The following ATP1A4 variants were observed in gnomAD, a reference collection of about 807,000 sequenced individuals.
ATP1A4 encodes sodium/potassium-transporting ATPase subunit alpha-4.
In ATP1A4, 90 loss-of-function variants were observed where a neutral mutation model predicts 114.3. The ratio of observed to expected loss-of-function variants is 0.79; its 90% CI spans 0.66 to 0.94. ATP1A4 has a LOEUF of 0.94. Ranked by LOEUF, ATP1A4 falls within the 40% of genes least tolerant of loss-of-function variation. The probability of loss-of-function intolerance (pLI) is 0.00; values close to 1 mark genes in which losing one functional copy is unlikely to be tolerated. For missense variants in ATP1A4, 1,222 were observed against 1,313.6 expected, an observed-to-expected ratio of 0.93 and a Z score of 1.08; for synonymous variants, 511 against 494.1, an observed-to-expected ratio of 1.03 and a Z score of -0.45.
At chr1:160,184,321 G>C (rs920586071) in intron 20 of ATP1A4, among the ~76,000 whole-genome samples, 1 of 152,050 alleles carries the variant, frequency 6.6e-6, no homozygotes, top group African/African-American at 2.4e-5. Flanking sequence ...CAAGGTGGGG[G>C]GATCGCTTAA....
chr1:160,174,106 C>T lies in ATP1A4; in HGVS notation c.1992-5C>T, dbSNP rs1423044150. 2.0e-5 allele frequency: 33 copies of T among 1,612,458 alleles called. No homozygotes were observed. The highest frequency in any genetic ancestry group is 2.6e-5 in the Non-Finnish European group (31 of 1,179,450). On this transcript the variant is annotated splice_region_variant and splice_polypyrimidine_tract_variant and intron_variant, in intron 13 of 21. Coordinates refer to ENST00000368081, the MANE Select transcript of ATP1A4 (RefSeq NM_144699.4). Reference sequence around the variant, plus strand: ...AACTAGCCTTTTGAAATTATTTTCCCTCAGTGCTGCCAAAGCCATTGTGGT... The same window carrying T: ...AACTAGCCTTTTGAAATTATTTTCCTTCAGTGCTGCCAAAGCCATTGTGGT...
At chr1:160,153,935 G>A (rs1053597652) in intron 2 of ATP1A4, among the ~76,000 whole-genome samples, 21 of 152,232 alleles carry the variant, frequency 1.4e-4, no homozygotes, top group African/African-American at 4.3e-4. Flanking sequence ...TCAGGCAGAG[G>A]TTGGGGAGTG....
intron 10 of ATP1A4, among the ~76,000 whole-genome samples, chr1:160,169,030 T>C (rs1243254977): frequency 6.6e-6 from 1 of 152,250 alleles, no homozygotes; most frequent in Non-Finnish European, 1.5e-5. Context: ...CTCAGATGAC[T>C]ATGTTGCTGC....
Position 160,155,096 on chromosome 1 carries a change from A to G in ATP1A4, c.259A>G (p.Thr87Ala). Residue 87 changes from threonine (T) to alanine (A), a missense_variant, in exon 3 of 22, where the codon ACT becomes GCT. Thr to Ala is a moderately conservative substitution (Grantham distance 58). Transcript: ENST00000368081. ...AATCCTGACTCGAGGTGGACCCAAT[A>G]CTGTTACCCCACCCCCCACCACTCC... ...KEILTRGGPNTVTPPPTTPEW... is the reference protein window; with the variant it reads ...KEILTRGGPNAVTPPPTTPEW... 1 of 1,613,948 alleles carries G rather than the reference A, an allele frequency of 6.2e-7. No homozygotes were observed. Among genetic ancestry groups the G allele is most frequent in the Non-Finnish European group, 8.5e-7 (1 of 1,179,926 alleles).
At chr1:160,175,485 CAA>C (rs1267861129) in intron 15 of ATP1A4, among the ~76,000 whole-genome samples, 2 of 151,986 alleles carry the variant, frequency 1.3e-5, no homozygotes, top group East Asian at 3.9e-4. Flanking sequence ...GTAGGGAGAA[CAA>C]AGACACAAAT....
At chr1:160,166,216 G>A (rs887016908) in intron 7 of ATP1A4, among the ~76,000 whole-genome samples, 5 of 152,198 alleles carry the variant, frequency 3.3e-5, no homozygotes, top group African/African-American at 9.7e-5. Flanking sequence ...GTTGCAGTTA[G>A]CCAAGATCAT....
intron 6 of ATP1A4, among the ~76,000 whole-genome samples, chr1:160,162,300 A>G (rs539418405): frequency 1.2e-3 from 180 of 152,298 alleles, no homozygotes; most frequent in African/African-American, 4.1e-3. Flanking sequence ...ACTTTAAGAA[A>G]AGAATTTTGT....
chr1:160,158,377 C>CT (rs1010189389), intron 4 of ATP1A4, among the ~76,000 whole-genome samples: 2 of 151,348 alleles, frequency 1.3e-5, no homozygotes, highest in African/African-American at 4.9e-5. Flanking sequence ...CATGAAAGCA[C>CT]TTTTTTTTTA....
Position 160,155,170 on chromosome 1 carries a change from A to G in ATP1A4, c.333A>G (p.Leu111=), listed in dbSNP as rs1287438224. ...CKQLFGGFSL[L]LWTGAILCFV... ...AACTGTTCGGAGGCTTCTCCCTCCT[A>G]CTATGGACTGGGGCCATTCTCTGCT... The change falls in exon 3 of 22, where the codon CTA becomes CTG. Residue 111 remains leucine, a synonymous_variant. Coordinates refer to ENST00000368081, the MANE Select transcript of ATP1A4 (RefSeq NM_144699.4). 15 of 1,612,090 alleles carry G rather than the reference A, an allele frequency of 9.3e-6. No homozygotes were observed. The highest frequency in any genetic ancestry group is 3.4e-5 in the Admixed American group (2 of 59,558).
At chr1:160,153,275 A>G (rs1305598160) in intron 2 of ATP1A4, 51 bp downstream of exon 2, 2 of 1,528,468 alleles carry the variant, frequency 1.3e-6, no homozygotes, top group Non-Finnish European at 1.8e-6. Context: ...TCTGACTGTG[A>G]GGCTGCCAGG....
chr1:160,159,231 C>T, intron 5 of ATP1A4, 95 bp downstream of exon 5: 4 of 1,502,760 alleles, frequency 2.7e-6, no homozygotes, highest in Non-Finnish European at 3.6e-6. Flanking sequence ...GCTTATTACT[C>T]AGAATCTTGA....
intron 18 of ATP1A4, among the ~76,000 whole-genome samples, chr1:160,179,756 G>A (rs1452514865): frequency 6.6e-6 from 1 of 152,150 alleles, no homozygotes; most frequent in African/African-American, 2.4e-5. Context: ...AAATCATCAA[G>A]TTATTGCTCT....
chr1:160,158,520 G>A (rs962065266), intron 4 of ATP1A4, among the ~76,000 whole-genome samples: 8 of 152,028 alleles, frequency 5.3e-5, no homozygotes, highest in Non-Finnish European at 8.8e-5. Context: ...GGGACTACAG[G>A]TGCATGCCAC....
At position 160,177,652 on chromosome 1, in the gene ATP1A4, C is replaced by T. The variant is rs555177353; in HGVS notation, c.2724C>T (p.Tyr908=). The part of the protein sequence containing the change: ...DKYLNDLEDS[Y]GQQWTYEQRK... ...ACTTGAATGACCTGGAGGACAGCTA[C>T]GGACAGCAGTGGGTGAGTAGAAGGG... Residue 908 remains tyrosine (Y), a synonymous_variant, in exon 18 of 22, where the codon TAC becomes TAT. Transcript: ENST00000368081. The T allele has an allele frequency of 2.2e-5, 35 of 1,614,106 alleles. No homozygotes were observed. The highest frequency in any genetic ancestry group is 5.3e-5 in the African/African-American group (4 of 75,018).
intron 1 of ATP1A4, among the ~76,000 whole-genome samples, chr1:160,152,654 C>T (rs753859657): frequency 1.3e-5 from 2 of 152,144 alleles, no homozygotes; most frequent in Non-Finnish European, 2.9e-5. Flanking sequence ...ATTGGGCCTT[C>T]GTCTGCCCTG....
intron 1 of ATP1A4, among the ~76,000 whole-genome samples, chr1:160,152,533 G>C (rs530731484): frequency 7.2e-5 from 11 of 152,270 alleles, no homozygotes; most frequent in South Asian, 6.2e-4. Context: ...ATGTTCTCAT[G>C]ATGAGGTGAT....
chr1:160,186,134 G>A, intron 20 of ATP1A4, 142 bp from the exon 21 acceptor site: 1 of 518,262 alleles, frequency 1.9e-6, no homozygotes, highest in Middle Eastern at 5.2e-4. Context: ...TTATTCAACT[G>A]CACTGTCTCC....
chr1:160,179,648 G>A (rs1653609637), intron 18 of ATP1A4, among the ~76,000 whole-genome samples: 2 of 152,180 alleles, frequency 1.3e-5, no homozygotes, highest in South Asian at 4.1e-4. Context: ...ATTAATTCCA[G>A]TGATTCCCTC....
Position 160,174,680 on chromosome 1 carries a change from T to A in ATP1A4, c.2244T>A (p.Ser748=). The A allele has an allele frequency of 6.2e-7, 1 of 1,614,144 alleles. No homozygotes were observed. The highest frequency in any genetic ancestry group is 2.2e-5 in the East Asian group (1 of 44,872). Residue 748 remains serine (S), a synonymous_variant, in exon 15 of 22, where the codon TCT becomes TCA. Coordinates refer to ENST00000368081, the MANE Select transcript of ATP1A4 (RefSeq NM_144699.4). ...TGGGCATCTCTGGCTCTGACGTCTC[T>A]AAGCAGGCAGCCGACATGATCCTGC... ...IAMGISGSDV[S]KQAADMILLD...
Sources: gnomAD v4.1 joint callset for allele counts (sites outside exome capture counted in the v4.1 genomes callset) on GRCh38, gnomAD v4.1.1 for gene constraint, MANE v1.5 for transcripts, NCBI Gene and HGNC (gene_info 2026-07-23, HGNC 2026-07-21) for gene names.